Variants in MRPL9 observed in about 807,000 individuals in gnomAD.
MRPL9 encodes the protein large ribosomal subunit protein bL9m.
MRPL9 carries 25 observed loss-of-function variants against 27.6 expected under a neutral mutation model. That is an observed-to-expected ratio of 0.91 (90% CI 0.66 to 1.27). The LOEUF is 1.27. MRPL9 is among the 50% of genes most tolerant of loss of function. MRPL9 has a pLI of 0.00. For synonymous variants in MRPL9, 154 were observed against 139.0 expected, an observed-to-expected ratio of 1.11 and a Z score of -0.76; for missense variants, 362 against 338.0, an observed-to-expected ratio of 1.07 and a Z score of -0.56.
Position 151,763,091 on chromosome 1 carries a change from T to C in MRPL9, c.209A>G (p.Lys70Arg), listed in dbSNP as rs753923585. The C allele has an allele frequency of 5.6e-6, 9 of 1,614,046 alleles. No homozygotes were observed. Among genetic ancestry groups the C allele is most frequent in the Non-Finnish European group, 7.6e-6 (9 of 1,179,982 alleles). Residue 70 changes from lysine to arginine, a missense_variant, in exon 2 of 7, where the codon AAG becomes AGG. Lys to Arg is a conservative substitution (Grantham distance 26, BLOSUM62 2). Coordinates refer to ENST00000368830, the MANE Select transcript of MRPL9 (RefSeq NM_031420.4). Reference protein sequence around the residue: ...WKVPLAGEGRKPRLHRRHRVY... With the variant: ...WKVPLAGEGRRPRLHRRHRVY... Reference sequence around the variant, plus strand: ...GCGATGTCGCCGGTGCAGGCGCGGCTTCCGGCCCTCCCCGGCCAGCGGTAC... The same window carrying C: ...GCGATGTCGCCGGTGCAGGCGCGGCCTCCGGCCCTCCCCGGCCAGCGGTAC...
At position 151,763,311 on chromosome 1, in the gene MRPL9, C is replaced by T. The variant is rs760343026; in HGVS notation, c.153+16G>A. On this transcript the variant is annotated intron_variant, in intron 1 of 6. Coordinates refer to ENST00000368830, the MANE Select transcript of MRPL9 (RefSeq NM_031420.4). ...ACTCGAGCGTATCTACCCCCTACCC[C>T]AGACTCAGCCCTCACCCGATTTTGA... The T allele has an allele frequency of 6.3e-7, 1 of 1,593,906 alleles. No homozygotes were observed. Among genetic ancestry groups the T allele is most frequent in the Admixed American group, 1.7e-5 (1 of 58,254 alleles).
rs377513575 is a variant in MRPL9 at position 151,760,197 on chromosome 1, T to C, written c.673-16A>G. 63 of 1,613,752 alleles carry C rather than the reference T, an allele frequency of 3.9e-5. No homozygotes were observed. The highest frequency in any genetic ancestry group is 5.3e-5 in the Non-Finnish European group (62 of 1,179,930). Reference sequence around the variant, plus strand: ...GCCCATTTACCTGCACACAAAACAATGGGAATTCTCAGAGATCAGTCAGGT... The same window carrying C: ...GCCCATTTACCTGCACACAAAACAACGGGAATTCTCAGAGATCAGTCAGGT... On this transcript the variant is annotated splice_polypyrimidine_tract_variant and intron_variant, in intron 6 of 6. Transcript: ENST00000368830.
chr1:151,760,836 C>T lies in MRPL9; in HGVS notation c.652G>A (p.Glu218Lys), dbSNP rs1170846248. ...LPEEPITRWG[E>K]YWCEVTVNGL... ...CTCACCGTCACCTCACACCAATACTCGCCCCACCGTGTGATAGGCTCTTCT... is the reference window on the plus strand; with the variant it reads ...CTCACCGTCACCTCACACCAATACTTGCCCCACCGTGTGATAGGCTCTTCT... The change falls in exon 6 of 7, where the codon GAG becomes AAG. Residue 218 changes from glutamate (E) to lysine (K), a missense_variant. Physicochemically the swap from Glu to Lys is moderately conservative, Grantham distance 56. Transcript: ENST00000368830. 21 of 1,598,364 alleles carry T rather than the reference C, an allele frequency of 1.3e-5. No homozygotes were observed. Among genetic ancestry groups the T allele is most frequent in the East Asian group, 9.0e-5 (4 of 44,596 alleles).
chr1:151,763,303 C>T (rs1307538903), intron 1 of MRPL9, 24 bp downstream of exon 1: 5 of 1,589,764 alleles, frequency 3.1e-6, no homozygotes, highest in Admixed American at 3.5e-5. Flanking sequence ...CGTATCTACC[C>T]CCTACCCCAG....
chr1:151,761,298 C>T (rs1191995555), intron 5 of MRPL9, among the ~76,000 whole-genome samples, 153 bp downstream of exon 5: 1 of 152,194 alleles, frequency 6.6e-6, no homozygotes, highest in Non-Finnish European at 1.5e-5. Context: ...TAGCCATTTC[C>T]TTCCCATATT....
Position 151,760,957 on chromosome 1 carries a change from C to G in MRPL9, c.589-58G>C, listed in dbSNP as rs544144659. On this transcript the variant is annotated intron_variant, in intron 5 of 6. Coordinates refer to ENST00000368830, the MANE Select transcript of MRPL9 (RefSeq NM_031420.4). ...GCTCAAATGAACTCTGTTTTCATGA[C>G]TGCCACTCTAGGGAACCTCATAAAG... is the stretch of plus-strand genomic sequence containing the variant. 1.1e-5 allele frequency: 16 copies of G among 1,415,044 alleles called. No homozygotes were observed. In the East Asian group the frequency reaches 3.3e-4, roughly 29 times the overall value. The allele number at this position is 1,415,044 out of a possible 1,614,324, so 87.7% of individuals were successfully genotyped here. A position where few individuals can be genotyped will look rare whatever the true frequency, so the allele number is the denominator to read the frequency against.
At position 151,763,061 on chromosome 1, in the gene MRPL9, T is replaced by C. The variant is rs751120845; in HGVS notation, c.239A>G (p.Tyr80Cys). 12 of 1,614,210 alleles carry C rather than the reference T, an allele frequency of 7.4e-6. No homozygotes were observed. In the East Asian group the frequency reaches 8.9e-5, roughly 12 times the overall value. Residue 80 changes from tyrosine to cysteine, a missense_variant, in exon 2 of 7, where the codon TAT becomes TGT. By Grantham distance (194) the Tyr-to-Cys change is radical. Transcript: ENST00000368830. ...KPRLHRRHRV[Y>C]KLVEDTKHRP... is the part of the protein sequence containing the mutation. ...ATGCTTCGTGTCCTCCACCAGCTTA[T>C]AGACGCGATGTCGCCGGTGCAGGCG... is the stretch of plus-strand genomic sequence containing the variant.
At position 151,760,867 on chromosome 1, in the gene MRPL9, CTT is replaced by C. The variant is rs780254266; in HGVS notation, c.619_620del (p.Lys207ValfsTer15). On this transcript the variant is annotated frameshift_variant, in exon 6 of 7. Coordinates refer to ENST00000368830, the MANE Select transcript of MRPL9 (RefSeq NM_031420.4). LOFTEE classifies it high-confidence loss of function. The part of the protein sequence containing the change: ...LGVVVAPHTL[K>X]LPEEPITRWG... ...ACCGTGTGATAGGCTCTTCTGGTAA[CTT>C]TAATGTATGTGGGGCAACCACAACA... 1.3e-6 allele frequency: 2 copies of C among 1,504,652 alleles called. No homozygotes were observed. The highest frequency in any genetic ancestry group is 1.8e-6 in the Non-Finnish European group (2 of 1,113,118). 93.2% of individuals were successfully genotyped at this position (1,504,652 alleles called of 1,614,324 possible).
rs1553276959 is a variant in MRPL9, at chr1:151,760,921, A to ATAAAAAAT, written c.589-23_589-22insATTTTTTA. On this transcript the variant is annotated intron_variant, in intron 5 of 6. Coordinates refer to ENST00000368830, the MANE Select transcript of MRPL9 (RefSeq NM_031420.4). ...CAAGCTGCAAAAAAAAAAAAAAAAA[A>ATAAAAAAT]AAAAATCTCAGCTCAAATGAACTCT... 222 of 1,541,212 alleles carry ATAAAAAAT rather than the reference A, an allele frequency of 1.4e-4. 1 individual carries two copies. In the African/African-American group the frequency reaches 2.8e-3, roughly 20 times the overall value.
chr1:151,762,277 ATTTCAT>A (rs1648124729), intron 3 of MRPL9, 93 bp downstream of exon 3: 6 of 1,583,520 alleles, frequency 3.8e-6, no homozygotes, highest in South Asian at 2.2e-5. Context: ...TCTAGTTCCT[ATTTCAT>A]TTTCAAGTTA....
intron 2 of MRPL9, chr1:151,762,715 TGTC>T (rs1648156003): frequency 1.5e-6 from 1 of 645,672 alleles, no homozygotes; most frequent in South Asian, 2.2e-5. Context: ...TAGAGGGAGT[TGTC>T]GTCCCATGGA....
chr1:151,761,569 G>A lies in MRPL9; in HGVS notation c.487-17C>T. 1 of 1,572,660 alleles carries A rather than the reference G, an allele frequency of 6.4e-7. No homozygotes were observed. Among genetic ancestry groups the A allele is most frequent in the South Asian group, 1.1e-5 (1 of 90,208 alleles). On this transcript the variant is annotated splice_polypyrimidine_tract_variant and intron_variant, in intron 4 of 6. Coordinates refer to ENST00000368830, the MANE Select transcript of MRPL9 (RefSeq NM_031420.4). Reference sequence around the variant, plus strand: ...TTTCACTGTCTGAAAGGAATTATGAGTTTGAGTCAAAGGAGAGGAAACATG... The same window carrying A: ...TTTCACTGTCTGAAAGGAATTATGAATTTGAGTCAAAGGAGAGGAAACATG...
Position 151,760,153 on chromosome 1 carries a change from G to C in MRPL9, c.701C>G (p.Pro234Arg), listed in dbSNP as rs765869211. The change falls in exon 7 of 7, where the codon CCT becomes CGT. Residue 234 changes from proline (P) to arginine (R), a missense_variant. Coordinates refer to ENST00000368830, the MANE Select transcript of MRPL9 (RefSeq NM_031420.4). ...CTTCTCAAAGTTCACGACAGACATAGGCACTCTCACAGTATCAAGCCCATT... is the reference window on the plus strand; with the variant it reads ...CTTCTCAAAGTTCACGACAGACATACGCACTCTCACAGTATCAAGCCCATT... ...TVNGLDTVRV[P>R]MSVVNFEKPK... is the part of the protein sequence containing the mutation. 1.2e-6 allele frequency: 2 copies of C among 1,614,110 alleles called. No homozygotes were observed. Among genetic ancestry groups the C allele is most frequent in the South Asian group, 2.2e-5 (2 of 91,070 alleles).
rs775013185 is a variant in MRPL9, at chr1:151,763,400, T to C, written c.80A>G (p.Gln27Arg). Reference protein sequence around the residue: ...GAGRLLRGGVQELLRPRHEGN... With the variant: ...GAGRLLRGGVRELLRPRHEGN... ...TTCATGTCGCGGCCGCAGTAGCTCC[T>C]GGACGCCTCCCCGAAGCAGCCGTCC... Residue 27 changes from glutamine (Q) to arginine (R), a missense_variant, in exon 1 of 7, where the codon CAG becomes CGG. Physicochemically the swap from Gln to Arg is conservative, Grantham distance 43 (BLOSUM62 1). Coordinates refer to ENST00000368830, the MANE Select transcript of MRPL9 (RefSeq NM_031420.4). 6.4e-6 allele frequency: 10 copies of C among 1,566,228 alleles called. No individual in the cohort carries two copies. Among genetic ancestry groups the C allele is most frequent in the Middle Eastern group, 3.3e-4 (2 of 5,984 alleles).
chr1:151,761,660 G>A (rs1196454), intron 4 of MRPL9, 108 bp from the exon 5 acceptor site: 39,309 of 777,342 alleles, frequency 0.051, 4,187 homozygotes, highest in East Asian at 0.32. Flanking sequence ...ACTTTGGGAG[G>A]CCAAGGTGGG....
Position 151,760,779 on chromosome 1 carries a change from GAAAGA to G in MRPL9, c.672+32_672+36del, listed in dbSNP as rs551627980. The G allele has an allele frequency of 5.0e-4, 764 of 1,518,832 alleles. 8 individuals are homozygous for G. The South Asian group carries it at 8.4e-3, about 17-fold the overall frequency. 94.1% of individuals were successfully genotyped at this position (1,518,832 alleles called of 1,614,324 possible). On this transcript the variant is annotated intron_variant, in intron 6 of 6. Transcript: ENST00000368830. The stretch of plus-strand genomic sequence containing the variant: ...AAAAGGAAAAAGTGGGGGAAAAGGA[GAAAGA>G]AAAGAAAAAAGAAAGTATGCAAAAC...
chr1:151,762,816 T>C, intron 2 of MRPL9, 174 bp downstream of exon 2: 1 of 837,984 alleles, frequency 1.2e-6, no homozygotes, highest in East Asian at 2.5e-5. Context: ...TAATTTTCAA[T>C]GCTGGAGGCC....
rs749385935 is a variant in MRPL9 at position 151,763,001 on chromosome 1, T to C, written c.299A>G (p.Gln100Arg). Residue 100 changes from glutamine to arginine, a missense_variant, in exon 2 of 7, where the codon CAG becomes CGG. By Grantham distance (43) the Gln-to-Arg change is conservative. Coordinates refer to ENST00000368830, the MANE Select transcript of MRPL9 (RefSeq NM_031420.4). ...PKENLELILT[Q>R]SVENVGVRGD... ...GGCCCGGGCCTTACTCTCCACCGAC[T>C]GCGTCAGGATGAGCTCCAGGTTTTC... 6 of 1,613,988 alleles carry C rather than the reference T, an allele frequency of 3.7e-6. No homozygotes were observed. In the African/African-American group the frequency reaches 8.0e-5, roughly 22 times the overall value.
At chr1:151,760,234 A>G (rs1375684926) in intron 6 of MRPL9, 53 bp from the exon 7 acceptor site, 7 of 1,607,706 alleles carry the variant, frequency 4.4e-6, no homozygotes, top group Non-Finnish European at 6.0e-6. Flanking sequence ...AGTAAGATTT[A>G]GCACCACCTA....
Sources: allele counts gnomAD v4.1 joint callset (sites outside exome capture counted in the v4.1 genomes callset), GRCh38; gene constraint gnomAD v4.1.1; transcripts MANE v1.5; gene names NCBI Gene and HGNC (gene_info 2026-07-23, HGNC 2026-07-21).